Variants in ZSCAN32 observed in about 807,000 individuals in gnomAD.
ZSCAN32 encodes zinc finger and SCAN domain-containing protein 32.
Under a neutral mutation model 47.4 loss-of-function variants are expected in ZSCAN32, and 52 were observed. The observed-to-expected ratio is 1.10, with a 90% CI of 0.88 to 1.38. The LOEUF is 1.38. ZSCAN32 is among the 40% of genes most tolerant of loss of function. The probability of loss-of-function intolerance (pLI) is 0.00; values close to 1 mark genes in which losing one functional copy is unlikely to be tolerated. For synonymous variants in ZSCAN32, 346 were observed against 305.7 expected (o/e 1.13, Z -1.38); for missense variants, 959 against 846.0 (o/e 1.13, Z -1.66).
At position 3,383,690 on chromosome 16, in the gene ZSCAN32, A is replaced by G. The variant is rs1269903233; in HGVS notation, c.1256T>C (p.Ile419Thr). The G allele has an allele frequency of 2.5e-6, 4 of 1,585,912 alleles. No homozygotes were observed. The highest frequency in any genetic ancestry group is 3.4e-6 in the Non-Finnish European group (4 of 1,172,346). Residue 419 changes from isoleucine (I) to threonine (T), a missense_variant, in exon 7 of 7, where the codon ATT (isoleucine) becomes ACT (threonine). Physicochemically the swap from Ile to Thr is moderately conservative, Grantham distance 89 (BLOSUM62 -1). Coordinates refer to ENST00000396852, the MANE Select transcript of ZSCAN32 (RefSeq NM_001284527.2). ...ATCCCATTTTAGATTTTCTTTTTTAATCTCGTTCTTGAACTCAAAACCTGA... is the reference window on the plus strand; with the variant it reads ...ATCCCATTTTAGATTTTCTTTTTTAGTCTCGTTCTTGAACTCAAAACCTGA... ...NRLGFEFKNE[I>T]KKENLKWDDS...
rs1347753177 is a variant in ZSCAN32, at chr16:3,389,272, C to A, written c.751+738G>T. Among the ~76,000 whole-genome samples the A allele has an allele frequency of 2.0e-5, 3 of 152,106 alleles. No homozygotes were observed. The East Asian group carries it at 5.8e-4, about 29-fold the overall frequency. ...AAAAACCACACACCACTGGGGAGGG[C>A]AACATTGTAGAGTGAGGCGGGGCAC... is the stretch of plus-strand genomic sequence containing the variant. On this transcript the variant is annotated intron_variant, in intron 5 of 6. Transcript: ENST00000396852.
At chr16:3,396,639 C>T (rs2033391779) in intron 2 of ZSCAN32, among the ~76,000 whole-genome samples, 1 of 152,188 alleles carries the variant, frequency 6.6e-6, no homozygotes, top group Admixed American at 6.5e-5. Context: ...TGTGCCTTTC[C>T]CACCTCCCTG....
intron 1 of ZSCAN32, 107 bp downstream of exon 1, chr16:3,400,838 G>A (rs2033838257): frequency 6.6e-6 from 1 of 152,252 alleles, no homozygotes. Flanking sequence ...CGCCCATCGG[G>A]GCCGGACCCG....
At position 3,382,525 on chromosome 16, in the gene ZSCAN32, T is replaced by C. The variant is rs142915108; in HGVS notation, c.*327A>G. 2 of 209,460 alleles carry C rather than the reference T, an allele frequency of 9.5e-6. No homozygotes were observed. Among genetic ancestry groups the C allele is most frequent in the East Asian group, 1.1e-4 (1 of 9,128 alleles). 13.0% of individuals were successfully genotyped at this position (209,460 alleles called of 1,614,324 possible). A position where few individuals can be genotyped will look rare whatever the true frequency, so the allele number is the denominator to read the frequency against. On this transcript the variant is annotated 3_prime_UTR_variant, in exon 7 of 7. Transcript: ENST00000396852. ...CTTTCTCAGCCCTGTGTGAGGACTATGTTAGCCCAGAAAGTGTTCTTGGAC... is the reference window on the plus strand; with the variant it reads ...CTTTCTCAGCCCTGTGTGAGGACTACGTTAGCCCAGAAAGTGTTCTTGGAC...
intron 1 of ZSCAN32, among the ~76,000 whole-genome samples, chr16:3,398,429 C>A (rs2033578871): frequency 1.3e-5 from 2 of 152,212 alleles, no homozygotes; most frequent in Admixed American, 6.5e-5. Flanking sequence ...GCCCTAGCCT[C>A]TGAATTTCCG....
Position 3,384,669 on chromosome 16 carries a change from A to G in ZSCAN32, c.1024T>C (p.Trp342Arg), listed in dbSNP as rs759866587. The G allele has an allele frequency of 6.2e-6, 10 of 1,614,118 alleles. No homozygotes were observed. In the Admixed American group the frequency reaches 1.0e-4, roughly 16 times the overall value. ...YEEMNALSGS[W>R]ASAPPMASDA... ...CTTGCCATAGGAGGTGCAGAGGCCC[A>G]GGAGCCTGAAAGAGCATTCATTTCC... Residue 342 changes from tryptophan (W) to arginine (R), a missense_variant, in exon 6 of 7, where the codon TGG becomes CGG. Trp to Arg is a moderately radical substitution (Grantham distance 101). Coordinates refer to ENST00000396852, the MANE Select transcript of ZSCAN32 (RefSeq NM_001284527.2).
Position 3,390,048 on chromosome 16 carries a change from CTG to C in ZSCAN32, c.711_712del (p.Tyr237Ter), listed in dbSNP as rs760714615. The C allele has an allele frequency of 5.4e-5, 87 of 1,613,772 alleles. 1 individual carries two copies. The South Asian group carries it at 8.9e-4, about 17-fold the overall frequency. ...ACTGTCCTTCCTCTGGGTGGCACCC[CTG>C]TAGAGGGCCCTTTGTGCAGGGCCTG... On this transcript the variant is annotated stop_gained and frameshift_variant, in exon 5 of 7. Coordinates refer to ENST00000396852, the MANE Select transcript of ZSCAN32 (RefSeq NM_001284527.2). LOFTEE classifies it high-confidence loss of function.
At chr16:3,400,683 G>A (rs1289776532) in intron 1 of ZSCAN32, among the ~76,000 whole-genome samples, 5 of 152,208 alleles carry the variant, frequency 3.3e-5, no homozygotes, top group Admixed American at 2.6e-4. Flanking sequence ...GGCGAGACAG[G>A]GACGAGATGA....
rs1268287578 is a variant in ZSCAN32, at chr16:3,397,545, C to T, written c.13G>A (p.Val5Met). 2.0e-6 allele frequency: 3 copies of T among 1,535,758 alleles called. No individual in the cohort carries two copies. The highest frequency in any genetic ancestry group is 2.0e-5 in the Admixed American group (1 of 49,338). Residue 5 changes from valine (V) to methionine (M), a missense_variant, in exon 2 of 7, where the codon GTG (valine) becomes ATG (methionine). Coordinates refer to ENST00000396852, the MANE Select transcript of ZSCAN32 (RefSeq NM_001284527.2). ...GATGGGTGTGCCTCGGTACTCTTCACTGCAGCCATCATTTGCTTCAACGAA... is the reference window on the plus strand; with the variant it reads ...GATGGGTGTGCCTCGGTACTCTTCATTGCAGCCATCATTTGCTTCAACGAA... MMAA[V>M]KSTEAHPSSN...
rs1474220137 is a variant in ZSCAN32, at chr16:3,393,648, C to T, written c.532+1G>A. The T allele has an allele frequency of 1.3e-6, 2 of 1,545,846 alleles. No individual in the cohort carries two copies. The highest frequency in any genetic ancestry group is 2.4e-5 in the East Asian group (1 of 40,818). On this transcript the variant is annotated splice_donor_variant, in intron 3 of 6. Coordinates refer to ENST00000396852, the MANE Select transcript of ZSCAN32 (RefSeq NM_001284527.2). LOFTEE classifies it high-confidence loss of function. ...AGGTGAGGACAGAGGCTTCTGCTTA[C>T]CTTCTGACTGTTCCCCTGGTCTTTG...
chr16:3,397,818 A>T, intron 1 of ZSCAN32, 74 bp from the exon 2 acceptor site: 1 of 328,920 alleles, frequency 3.0e-6, no homozygotes. Flanking sequence ...TTTACTTCCT[A>T]TCCCTTTCCT....
Position 3,393,214 on chromosome 16 carries a change from A to AAATATATATATATT in ZSCAN32, c.532+434_532+435insAATATATATATATT, listed in dbSNP as rs2032971997. ...TTTATATATATATTTATATTTATAT[A>AAATATATATATATT]TATATATATATATAAATTTATATAT... On this transcript the variant is annotated intron_variant, in intron 3 of 6. Coordinates refer to ENST00000396852, the MANE Select transcript of ZSCAN32 (RefSeq NM_001284527.2). Among the ~76,000 whole-genome samples, 3 of 25,308 alleles carry AAATATATATATATT rather than the reference A, an allele frequency of 1.2e-4. 1 individual carries two copies. The highest frequency in any genetic ancestry group is 1.0e-3 in the Admixed American group (2 of 1,920). The allele number at this position is 25,308 out of a possible 152,430, so 16.6% of individuals were successfully genotyped here.
In ZSCAN32 at chr16:3,383,714, GA is replaced by G. The variant is rs369445206; in HGVS notation, c.1235-4del. On this transcript the variant is annotated splice_region_variant and splice_polypyrimidine_tract_variant and intron_variant, in intron 6 of 6. Transcript: ENST00000396852. ...AATCTCGTTCTTGAACTCAAAACCT[GA>G]AAAAAAAAAACCCCACAGAAATACA... 4,743 of 1,179,224 alleles carry G rather than the reference GA, an allele frequency of 4.0e-3. No homozygotes were observed. Among genetic ancestry groups the G allele is most frequent in the African/African-American group, 9.4e-3 (578 of 61,368 alleles). 73.0% of individuals were successfully genotyped at this position (1,179,224 alleles called of 1,614,324 possible). A position where few individuals can be genotyped will look rare whatever the true frequency, so the allele number is the denominator to read the frequency against.
chr16:3,392,753 G>A (rs2032870030), intron 3 of ZSCAN32, among the ~76,000 whole-genome samples: 1 of 152,024 alleles, frequency 6.6e-6, no homozygotes, highest in African/African-American at 2.4e-5. Flanking sequence ...GTGAACCTGG[G>A]AGGCAGAGCT....
At chr16:3,399,741 C>T (rs544308056) in intron 1 of ZSCAN32, among the ~76,000 whole-genome samples, 2 of 151,718 alleles carry the variant, frequency 1.3e-5, no homozygotes, top group Admixed American at 1.3e-4. Flanking sequence ...CCACCATGCC[C>T]GACCTTAAAA....
At chr16:3,386,690 G>A (rs2032042465) in intron 5 of ZSCAN32, among the ~76,000 whole-genome samples, 2 of 152,014 alleles carry the variant, frequency 1.3e-5, no homozygotes, top group African/African-American at 4.8e-5. Context: ...CTATTGCGAG[G>A]ACAAAAAACC....
chr16:3,384,750 A>T lies in ZSCAN32; in HGVS notation c.943T>A (p.Leu315Met). 6.2e-7 allele frequency: 1 copy of T among 1,614,122 alleles called. No homozygotes were observed. Among genetic ancestry groups the T allele is most frequent in the Non-Finnish European group, 8.5e-7 (1 of 1,180,012 alleles). The change falls in exon 6 of 7, where the codon TTG (leucine) becomes ATG (methionine). Residue 315 changes from leucine to methionine, a missense_variant. Leu to Met is a conservative substitution (Grantham distance 15). Coordinates refer to ENST00000396852, the MANE Select transcript of ZSCAN32 (RefSeq NM_001284527.2). ...QCRTKFKSLQ[L>M]SYRKVRRGRV... Reference sequence around the variant, plus strand: ...CCTCTCCTCACTTTGCGGTAACTCAACTGTAGGCTTTTGAACTTGGTGCGA... The same window carrying T: ...CCTCTCCTCACTTTGCGGTAACTCATCTGTAGGCTTTTGAACTTGGTGCGA...
chr16:3,385,815 A>G (rs1014191829), intron 5 of ZSCAN32, among the ~76,000 whole-genome samples: 19 of 152,348 alleles, frequency 1.2e-4, no homozygotes, highest in African/African-American at 4.6e-4. Flanking sequence ...AAAGACTTAA[A>G]CGTTAGACCT....
intron 5 of ZSCAN32, among the ~76,000 whole-genome samples, chr16:3,386,264 T>G (rs965694253): frequency 3.5e-4 from 54 of 152,264 alleles, no homozygotes; most frequent in Admixed American, 1.2e-3. Flanking sequence ...CCAGTTAGAA[T>G]GGCAATCATT....
Sources: allele counts gnomAD v4.1 joint callset (sites outside exome capture counted in the v4.1 genomes callset), GRCh38; gene constraint gnomAD v4.1.1; transcripts MANE v1.5; gene names NCBI Gene and HGNC (gene_info 2026-07-23, HGNC 2026-07-21).